ADAM12: variants seen among roughly 807,000 people sequenced by gnomAD.
ADAM12 encodes the protein ADAM metallopeptidase domain 12.
ADAM12 carries 70 observed loss-of-function variants against 106.4 expected under a neutral mutation model. The observed-to-expected ratio is 0.66, with a 90% CI of 0.54 to 0.80. The LOEUF (loss-of-function observed/expected upper bound fraction) is 0.80. Ranked by LOEUF, ADAM12 falls within the 30% of genes least tolerant of loss-of-function variation. The probability of loss-of-function intolerance (pLI) is 0.00; values close to 1 mark genes in which losing one functional copy is unlikely to be tolerated. For synonymous variants in ADAM12, 420 were observed against 433.5 expected (o/e 0.97, Z 0.39); for missense variants, 1,010 against 1,171.9 (o/e 0.86, Z 2.02).
At chr10:126,203,400 G>A (rs192745954) in intron 3 of ADAM12, among the ~76,000 whole-genome samples, 187 of 152,290 alleles carry the variant, frequency 1.2e-3, no homozygotes, top group South Asian at 6.0e-3. Context: ...TGCAACAGAC[G>A]TTTTATTTTA....
chr10:126,141,890 C>T (rs902044976), intron 4 of ADAM12, among the ~76,000 whole-genome samples: 1 of 152,204 alleles, frequency 6.6e-6, no homozygotes, highest in Non-Finnish European at 1.5e-5. Flanking sequence ...TGATTAAGTG[C>T]TTGAATCACA....
chr10:126,253,945 G>T (rs933018711), intron 3 of ADAM12, among the ~76,000 whole-genome samples: 1 of 152,206 alleles, frequency 6.6e-6, no homozygotes, highest in African/African-American at 2.4e-5. Context: ...TACAGCACAG[G>T]ATGCTGAAGG....
chr10:126,219,909 A>T (rs1055855694), intron 3 of ADAM12, among the ~76,000 whole-genome samples: 1 of 152,230 alleles, frequency 6.6e-6, no homozygotes, highest in African/African-American at 2.4e-5. Flanking sequence ...AATCTACCTG[A>T]ATCATATTTG....
At chr10:126,244,009 G>C (rs573697518) in intron 3 of ADAM12, among the ~76,000 whole-genome samples, 1 of 152,158 alleles carries the variant, frequency 6.6e-6, no homozygotes. Flanking sequence ...GGGGAGAAAG[G>C]TTTCTGTTTC....
intron 4 of ADAM12, among the ~76,000 whole-genome samples, chr10:126,136,778 C>T (rs563817595): frequency 2.6e-5 from 4 of 152,172 alleles, no homozygotes; most frequent in Admixed American, 1.3e-4. Flanking sequence ...ATCTAAAAGG[C>T]GATGAAAGGA....
intron 5 of ADAM12, among the ~76,000 whole-genome samples, chr10:126,131,785 T>C (rs539471914): frequency 3.2e-4 from 49 of 152,304 alleles, no homozygotes; most frequent in African/African-American, 7.9e-4. Flanking sequence ...CAGTCTATGG[T>C]ATTTTGCTAT....
At chr10:126,158,783 A>G (rs1000468243) in intron 3 of ADAM12, among the ~76,000 whole-genome samples, 18 of 144,138 alleles carry the variant, frequency 1.2e-4, no homozygotes, top group South Asian at 6.9e-4. Context: ...TGAGCAGAGC[A>G]TGGAGTGGGG....
intron 5 of ADAM12, among the ~76,000 whole-genome samples, chr10:126,130,375 G>A (rs1328267784): frequency 6.6e-6 from 1 of 152,000 alleles, no homozygotes; most frequent in Non-Finnish European, 1.5e-5. Flanking sequence ...CAAAGATCTG[G>A]GAAGTCAAAA....
chr10:126,299,437 G>A (rs1223670339), intron 2 of ADAM12, among the ~76,000 whole-genome samples: 1 of 152,016 alleles, frequency 6.6e-6, no homozygotes, highest in African/African-American at 2.4e-5. Flanking sequence ...TCATTTTATA[G>A]GCAAAGAAGG....
rs751374471 is a variant in ADAM12, at chr10:126,118,121, C to G, written c.520G>C (p.Gly174Arg). Residue 174 changes from glycine to arginine, a missense_variant, in exon 6 of 23, where the codon GGA (glycine) becomes CGA (arginine). This residue lies in a region of ADAM12 where 391 missense variants were observed against 442.9 expected (regional missense o/e 0.88). Coordinates refer to ENST00000448723, the MANE Select transcript of ADAM12 (RefSeq NM_001288973.2). ...FPAKKLKSVR[G>R]SCGSHHNTPN... ...GTGTTGTGATGTGATCCACATGATC[C>G]CCGGACGCTTTTCAGCTTCTTCGCT... is the stretch of plus-strand genomic sequence containing the variant. 8 of 1,613,998 alleles carry G rather than the reference C, an allele frequency of 5.0e-6. No homozygotes were observed. The highest frequency in any genetic ancestry group is 2.2e-5 in the East Asian group (1 of 44,888).
intron 8 of ADAM12, among the ~76,000 whole-genome samples, chr10:126,103,849 G>T (rs988665948): frequency 2.0e-5 from 3 of 152,208 alleles, no homozygotes; most frequent in African/African-American, 7.2e-5. Flanking sequence ...CTTGCTGTGG[G>T]CTGGGCCGGC....
chr10:126,138,372 TTTTA>T (rs945312933), intron 4 of ADAM12, among the ~76,000 whole-genome samples: 4 of 152,106 alleles, frequency 2.6e-5, no homozygotes, highest in Non-Finnish European at 5.9e-5. Flanking sequence ...TTAATTTTTA[TTTTA>T]TTTATTTATT....
At chr10:126,051,292 A>G (rs1463634981) in intron 14 of ADAM12, among the ~76,000 whole-genome samples, 1 of 152,192 alleles carries the variant, frequency 6.6e-6, no homozygotes, top group African/African-American at 2.4e-5. Context: ...GTTTTTGCAC[A>G]CACCCTATGT....
At chr10:126,344,301 T>A (rs1855053709) in intron 1 of ADAM12, among the ~76,000 whole-genome samples, 1 of 152,250 alleles carries the variant, frequency 6.6e-6, no homozygotes, top group Admixed American at 6.5e-5. Context: ...TTTCTTGTTT[T>A]TTGTCAGGTT....
At chr10:126,147,961 T>G (rs576206264) in intron 4 of ADAM12, among the ~76,000 whole-genome samples, 2 of 152,306 alleles carry the variant, frequency 1.3e-5, no homozygotes, top group South Asian at 4.1e-4. Flanking sequence ...CTAGCCTTTT[T>G]GGGGACCTCT....
At chr10:126,332,333 C>A (rs1854550321) in intron 1 of ADAM12, among the ~76,000 whole-genome samples, 1 of 152,156 alleles carries the variant, frequency 6.6e-6, no homozygotes, top group African/African-American at 2.4e-5. Flanking sequence ...AGAAGGCTTG[C>A]CTCTCTCTCC....
Position 126,296,117 on chromosome 10 carries a change from T to C in ADAM12, c.187-17129A>G, listed in dbSNP as rs1310252224. On this transcript the variant is annotated intron_variant, in intron 2 of 22. Coordinates refer to ENST00000448723, the MANE Select transcript of ADAM12 (RefSeq NM_001288973.2). The stretch of plus-strand genomic sequence containing the variant: ...TCAGGAAATGTGCACCAAAACATTT[T>C]TTAAAATAAAATATTTGGTAGGTAA... Among the ~76,000 whole-genome samples, 4 of 152,316 alleles carry C rather than the reference T, an allele frequency of 2.6e-5. No homozygotes were observed. The East Asian group carries it at 7.7e-4, about 29-fold the overall frequency.
rs565507059 is a variant in ADAM12, at chr10:126,258,440, C to T, written c.260+20475G>A. Among the ~76,000 whole-genome samples, 10 of 152,302 alleles carry T rather than the reference C, an allele frequency of 6.6e-5. No individual in the cohort carries two copies. The South Asian group carries it at 2.1e-3, about 32-fold the overall frequency. On this transcript the variant is annotated intron_variant, in intron 3 of 22. Transcript: ENST00000448723. Reference sequence around the variant, plus strand: ...CACGCCCCACCAGTGTAATGGTCTCCCAGTGGCCTCCGACCTCTGCTCTTG... The same window carrying T: ...CACGCCCCACCAGTGTAATGGTCTCTCAGTGGCCTCCGACCTCTGCTCTTG...
intron 3 of ADAM12, among the ~76,000 whole-genome samples, chr10:126,225,412 C>G (rs534021955): frequency 6.6e-6 from 1 of 151,770 alleles, no homozygotes; most frequent in Non-Finnish European, 1.5e-5. Flanking sequence ...AGGAAACACG[C>G]CCAGAGAAGT....
Sources: gnomAD v4.1 joint callset for allele counts (sites outside exome capture counted in the v4.1 genomes callset) on GRCh38, gnomAD v4.1.1 for gene constraint, gnomAD v4.1.1 regional missense constraint, MANE v1.5 for transcripts, NCBI Gene and HGNC (gene_info 2026-07-23, HGNC 2026-07-21) for gene names.